Variants in CTIF observed in about 807,000 individuals in gnomAD.
CTIF encodes the protein cap binding complex dependent translation initiation factor, also known as CBP80/20-dependent translation initiation factor.
CTIF carries 21 observed loss-of-function variants against 66.0 expected under a neutral mutation model. The observed-to-expected ratio is 0.32, with a 90% CI of 0.23 to 0.46. The LOEUF (loss-of-function observed/expected upper bound fraction) is 0.46. Ranked by LOEUF, CTIF falls within the 20% of genes least tolerant of loss-of-function variation. CTIF has a pLI of 1.00. For synonymous variants in CTIF, 345 were observed against 326.4 expected, an observed-to-expected ratio of 1.06 and a Z score of -0.62; for missense variants, 739 against 812.7, an observed-to-expected ratio of 0.91 and a Z score of 1.10.
At chr18:48,633,785 T>C (rs1276195648) in intron 2 of CTIF, among the ~76,000 whole-genome samples, 20 of 152,216 alleles carry the variant, frequency 1.3e-4, no homozygotes, top group Admixed American at 1.3e-3. Context: ...TTTACGTATG[T>C]ATGAATACAT....
At chr18:48,700,040 G>A (rs926952535) in intron 6 of CTIF, among the ~76,000 whole-genome samples, 2 of 152,180 alleles carry the variant, frequency 1.3e-5, no homozygotes, top group African/African-American at 4.8e-5. Context: ...ATGCTGATAT[G>A]GCTTGGCTGT....
intron 7 of CTIF, among the ~76,000 whole-genome samples, chr18:48,717,169 C>T (rs948333007): frequency 9.9e-5 from 15 of 152,046 alleles, no homozygotes; most frequent in Admixed American, 4.6e-4. Context: ...GAGGCTGAGA[C>T]GGGCAGATCA....
At chr18:48,567,583 A>G (rs1490016964) in intron 1 of CTIF, 2 of 152,244 alleles carry the variant, frequency 1.3e-5, no homozygotes, top group Non-Finnish European at 2.9e-5. Context: ...TTTCTATGGC[A>G]GGGCCTGAGA....
chr18:48,595,865 T>G (rs1376882084), intron 1 of CTIF, among the ~76,000 whole-genome samples: 1 of 152,136 alleles, frequency 6.6e-6, no homozygotes, highest in Admixed American at 6.5e-5. Flanking sequence ...CTCATGTGTG[T>G]GGGTGGTGAC....
intron 6 of CTIF, among the ~76,000 whole-genome samples, chr18:48,684,179 G>C (rs2091796467): frequency 6.6e-6 from 1 of 152,186 alleles, no homozygotes; most frequent in Non-Finnish European, 1.5e-5. Context: ...ATTCAGAAAA[G>C]GGAAAATGTA....
chr18:48,797,012 C>T (rs926034055), intron 9 of CTIF, among the ~76,000 whole-genome samples: 2 of 152,208 alleles, frequency 1.3e-5, no homozygotes, highest in African/African-American at 2.4e-5. Flanking sequence ...GCACTGGCCT[C>T]CCTCTGCCCA....
chr18:48,567,748 CAG>C (rs1568037219), intron 1 of CTIF: 2 of 152,234 alleles, frequency 1.3e-5, no homozygotes, highest in East Asian at 3.9e-4. Flanking sequence ...TGCTCTGTCA[CAG>C]TGGGGTTGGC....
At chr18:48,807,173 C>T (rs966961768) in intron 9 of CTIF, among the ~76,000 whole-genome samples, 7 of 152,152 alleles carry the variant, frequency 4.6e-5, no homozygotes, top group Non-Finnish European at 1.0e-4. Flanking sequence ...TTTTGGTGGC[C>T]TCTGGGCGGG....
intron 7 of CTIF, among the ~76,000 whole-genome samples, chr18:48,743,018 A>G (rs1209316313): frequency 2.6e-5 from 4 of 152,196 alleles, no homozygotes; most frequent in Non-Finnish European, 5.9e-5. Flanking sequence ...CAAATATTTA[A>G]TTTTTTACCC....
chr18:48,730,790 C>A (rs965419732), intron 7 of CTIF, among the ~76,000 whole-genome samples: 7 of 137,190 alleles, frequency 5.1e-5, no homozygotes, highest in African/African-American at 1.7e-4. Flanking sequence ...TGTGAAGGGC[C>A]CCCTGTGGTG....
chr18:48,725,356 C>G (rs2092377287), intron 7 of CTIF, among the ~76,000 whole-genome samples: 1 of 152,128 alleles, frequency 6.6e-6, no homozygotes, highest in Non-Finnish European at 1.5e-5. Flanking sequence ...TTAGGCAGAG[C>G]ACACAAAGGC....
At position 48,861,188 on chromosome 18, in the gene CTIF, T is replaced by A. The variant is rs1293030813; in HGVS notation, c.*1629T>A. On this transcript the variant is annotated 3_prime_UTR_variant, in exon 12 of 12. Coordinates refer to ENST00000256413, the MANE Select transcript of CTIF (RefSeq NM_014772.3). ...TTCCCCAGTTCTCTCCAGCTTTCCC[T>A]GCAGCTGCAACCTGCCCTCTGGTCC... The A allele has an allele frequency of 3.3e-5, 5 of 152,300 alleles. No homozygotes were observed. The highest frequency in any genetic ancestry group is 6.5e-5 in the Admixed American group (1 of 15,282). 9.4% of individuals were successfully genotyped at this position (152,300 alleles called of 1,614,324 possible).
intron 10 of CTIF, among the ~76,000 whole-genome samples, chr18:48,839,245 G>T (rs1408405449): frequency 1.3e-5 from 2 of 152,050 alleles, no homozygotes; most frequent in Non-Finnish European, 2.9e-5. Context: ...GAGCACTCCT[G>T]ACTCACTTTT....
intron 1 of CTIF, among the ~76,000 whole-genome samples, chr18:48,568,542 G>A (rs946984672): frequency 7.0e-6 from 1 of 143,484 alleles, no homozygotes; most frequent in Non-Finnish European, 1.5e-5. Flanking sequence ...AATTCTGGAA[G>A]TTGGATGTCC....
chr18:48,590,156 G>T (rs926422628), intron 1 of CTIF, among the ~76,000 whole-genome samples: 5 of 152,258 alleles, frequency 3.3e-5, no homozygotes, highest in African/African-American at 1.2e-4. Flanking sequence ...AGCCGTGGAA[G>T]TTTGGGACCC....
chr18:48,775,140 C>T (rs1389009258), intron 9 of CTIF, among the ~76,000 whole-genome samples: 5 of 152,142 alleles, frequency 3.3e-5, no homozygotes, highest in African/African-American at 4.8e-5. Context: ...CTAGTTGTGG[C>T]GCCATGCAAC....
intron 2 of CTIF, among the ~76,000 whole-genome samples, chr18:48,630,756 A>G (rs1040312153): frequency 6.6e-6 from 1 of 151,762 alleles, no homozygotes; most frequent in Non-Finnish European, 1.5e-5. Context: ...GCTTACTGCA[A>G]GCTCTGCCTC....
intron 9 of CTIF, among the ~76,000 whole-genome samples, chr18:48,812,684 G>A (rs960739845): frequency 6.6e-6 from 1 of 151,254 alleles, no homozygotes; most frequent in Non-Finnish European, 1.5e-5. Context: ...AGCCTAAGAG[G>A]TCGAGGCTGC....
At chr18:48,556,720 A>G (rs1220747501) in intron 1 of CTIF, among the ~76,000 whole-genome samples, 1 of 152,118 alleles carries the variant, frequency 6.6e-6, no homozygotes, top group Admixed American at 6.5e-5. Context: ...ACGCACCACC[A>G]CACCTGGCTA....
Sources: allele counts gnomAD v4.1 joint callset (sites outside exome capture counted in the v4.1 genomes callset), GRCh38; gene constraint gnomAD v4.1.1; transcripts MANE v1.5; gene names NCBI Gene and HGNC (gene_info 2026-07-23, HGNC 2026-07-21).